Variants in XPO5 observed in about 807,000 individuals in gnomAD.
The protein encoded by XPO5 is exportin-5.
In XPO5, 46 loss-of-function variants were observed where a neutral mutation model predicts 160.6. That is an observed-to-expected ratio of 0.29 (90% CI 0.23 to 0.37). The LOEUF (loss-of-function observed/expected upper bound fraction) is 0.37. Ranked by LOEUF, XPO5 falls within the 10% of genes least tolerant of loss-of-function variation. The probability of loss-of-function intolerance (pLI) is 1.00; values close to 1 mark genes in which losing one functional copy is unlikely to be tolerated. For synonymous variants in XPO5, 537 were observed against 519.3 expected (o/e 1.03, Z -0.46); for missense variants, 1,090 against 1,463.9 (o/e 0.74, Z 4.17).
intron 15 of XPO5, among the ~76,000 whole-genome samples, chr6:43,550,294 A>G (rs1023966653): frequency 2.0e-5 from 3 of 152,142 alleles, no homozygotes; most frequent in African/African-American, 7.2e-5. Context: ...CCTCATTCCA[A>G]TGAAATATGG....
intron 12 of XPO5, 106 bp downstream of exon 12, chr6:43,558,395 G>C: frequency 2.0e-6 from 2 of 987,158 alleles, no homozygotes. Context: ...CTGCTATCCA[G>C]ATTTGGGGAT....
intron 11 of XPO5, among the ~76,000 whole-genome samples, 156 bp from the exon 12 acceptor site, chr6:43,558,747 CCA>C (rs1026250719): frequency 2.0e-5 from 3 of 152,262 alleles, no homozygotes; most frequent in African/African-American, 7.2e-5. Flanking sequence ...TATCACAGGT[CCA>C]CAGTTTGCTC....
At chr6:43,558,624 GAA>G in intron 11 of XPO5, 33 bp from the exon 12 acceptor site, 1 of 1,499,390 alleles carries the variant, frequency 6.7e-7, no homozygotes, top group Non-Finnish European at 9.0e-7. Context: ...GGTAGGGGAT[GAA>G]AGTGGACCCA....
At position 43,570,490 on chromosome 6, in the gene XPO5, G is replaced by T. The variant is rs776053215; in HGVS notation, c.621+12C>A. On this transcript the variant is annotated intron_variant, in intron 5 of 31. Transcript: ENST00000265351. ...GGAAAATAGAAATGTTATAGGTAGG[G>T]GTATCCCTTACCACTTGCTGATACT... 35 of 1,610,832 alleles carry T rather than the reference G, an allele frequency of 2.2e-5. No homozygotes were observed. The East Asian group carries it at 7.6e-4, about 35-fold the overall frequency.
At chr6:43,550,481 G>C (rs1795175561) in intron 15 of XPO5, among the ~76,000 whole-genome samples, 1 of 152,084 alleles carries the variant, frequency 6.6e-6, no homozygotes, top group Admixed American at 6.6e-5. Flanking sequence ...TTCTGTGGGG[G>C]CTTCTCATTT....
At chr6:43,558,394 A>G (rs1762224787) in intron 12 of XPO5, 107 bp downstream of exon 12, 2 of 966,606 alleles carry the variant, frequency 2.1e-6, no homozygotes, top group Non-Finnish European at 1.5e-6. Context: ...GCTGCTATCC[A>G]GATTTGGGGA....
chr6:43,563,260 G>C (rs1762503828), intron 8 of XPO5, among the ~76,000 whole-genome samples: 1 of 151,968 alleles, frequency 6.6e-6, no homozygotes, highest in Admixed American at 6.6e-5. Flanking sequence ...CAAGTAGCTG[G>C]GACTATAAAG....
At chr6:43,564,182 A>G (rs1762567497) in intron 8 of XPO5, among the ~76,000 whole-genome samples, 1 of 152,006 alleles carries the variant, frequency 6.6e-6, no homozygotes, top group East Asian at 1.9e-4. Flanking sequence ...TTGGCCTCCT[A>G]AAGTGCTGTG....
At position 43,528,872 on chromosome 6, in the gene XPO5, G is replaced by A. The variant is rs755903379; in HGVS notation, c.2731C>T (p.Leu911=). ...AGAGGTCCGAGGATGGGGGATACCA[G>A]GGCTTCATAGTGCTCTGGGGGACAG... ...LFCPPEHYEA[L]VSPILGPLFT... is the part of the protein sequence containing the mutation. Residue 911 remains leucine, a synonymous_variant, in exon 24 of 32, where the codon CTG becomes TTG. Transcript: ENST00000265351. The A allele has an allele frequency of 1.9e-6, 3 of 1,613,950 alleles. No individual in the cohort carries two copies. Among genetic ancestry groups the A allele is most frequent in the South Asian group, 2.2e-5 (2 of 91,068 alleles).
At position 43,522,702 on chromosome 6, in the gene XPO5, CG is replaced by C; in HGVS notation, c.*1165del. 2.0e-6 allele frequency: 1 copy of C among 498,702 alleles called. No individual in the cohort carries two copies. 30.9% of individuals were successfully genotyped at this position (498,702 alleles called of 1,614,324 possible). On this transcript the variant is annotated 3_prime_UTR_variant, in exon 32 of 32. Transcript: ENST00000265351. ...TGTAGCTTCAGTCCACTTCGGCTCTCGGGGAAACCCTCTTGTCAGTGGACTG... is the reference window on the plus strand; with the variant it reads ...TGTAGCTTCAGTCCACTTCGGCTCTCGGGAAACCCTCTTGTCAGTGGACTG...
At position 43,576,015 on chromosome 6, in the gene XPO5, T is replaced by C. The variant is rs55981198; in HGVS notation, c.-151A>G. 1.6e-4 allele frequency: 101 copies of C among 649,746 alleles called. No individual in the cohort carries two copies. The African/African-American group carries it at 1.8e-3, about 12-fold the overall frequency. 40.2% of individuals were successfully genotyped at this position (649,746 alleles called of 1,614,324 possible). A position where few individuals can be genotyped will look rare whatever the true frequency, so the allele number is the denominator to read the frequency against. On this transcript the variant is annotated 5_prime_UTR_variant, in exon 1 of 32. Coordinates refer to ENST00000265351, the MANE Select transcript of XPO5 (RefSeq NM_020750.3). ...GAGGAGCGTTAGCAGCAACTCGCGC[T>C]GGGAAGAAGCCGGCGCTGCGCACGC...
chr6:43,561,932 T>A (rs1315909227), intron 9 of XPO5: 1 of 199,438 alleles, frequency 5.0e-6, no homozygotes, highest in Non-Finnish European at 1.0e-5. Context: ...GCTAACAGAA[T>A]GTAAAAGCAT....
At chr6:43,549,777 T>C in intron 16 of XPO5, 116 bp downstream of exon 16, 1 of 1,246,802 alleles carries the variant, frequency 8.0e-7, no homozygotes, top group Non-Finnish European at 1.1e-6. Flanking sequence ...ACATATATGA[T>C]AATCTACCAC....
chr6:43,572,994 C>T (rs543824350), intron 2 of XPO5, among the ~76,000 whole-genome samples: 19 of 152,180 alleles, frequency 1.2e-4, no homozygotes, highest in Non-Finnish European at 1.5e-4. Context: ...GTCTTAAAGG[C>T]TACCTCTTCT....
chr6:43,538,796 C>G, intron 20 of XPO5: 1 of 783,712 alleles, frequency 1.3e-6, no homozygotes, highest in South Asian at 2.4e-5. Flanking sequence ...ACGCTTAATT[C>G]ACTTTATTTT....
intron 24 of XPO5, 90 bp downstream of exon 24, chr6:43,528,738 C>A (rs759724558): frequency 7.9e-7 from 1 of 1,265,400 alleles, no homozygotes; most frequent in South Asian, 1.3e-5. Flanking sequence ...TAGTAGACAA[C>A]ACTTCTAGGA....
chr6:43,552,182 T>A (rs1256479180), intron 14 of XPO5, among the ~76,000 whole-genome samples: 1 of 151,372 alleles, frequency 6.6e-6, no homozygotes, highest in Non-Finnish European at 1.5e-5. Context: ...CTCAGCCTCC[T>A]GAGTAGCTGG....
At position 43,549,565 on chromosome 6, in the gene XPO5, C is replaced by T. The variant is rs368843561; in HGVS notation, c.1784G>A (p.Arg595Gln). The T allele has an allele frequency of 4.3e-6, 7 of 1,613,158 alleles. No individual in the cohort carries two copies. The highest frequency in any genetic ancestry group is 2.2e-5 in the East Asian group (1 of 44,832). Residue 595 changes from arginine (R) to glutamine (Q), a missense_variant, in exon 17 of 32, where the codon CGG becomes CAG. Physicochemically the swap from Arg to Gln is conservative, Grantham distance 43. Around this residue, in one of 3 missense-constraint regions of XPO5, gnomAD observed 810 missense variants for 1,139.0 expected, o/e 0.71. Transcript: ENST00000265351. Reference sequence around the variant, plus strand: ...ATGCCTCCTCACATTCCTCACTGCCCGGGTTCTGGGGGCCTGAAAAGAGAC... The same window carrying T: ...ATGCCTCCTCACATTCCTCACTGCCTGGGTTCTGGGGGCCTGAAAAGAGAC... Reference protein sequence around the residue: ...TVEESKAPRTRAVRNVRRHAC... With the variant: ...TVEESKAPRTQAVRNVRRHAC...
Position 43,537,886 on chromosome 6 carries a change from G to A in XPO5, c.2343-3879C>T, listed in dbSNP as rs774842131. On this transcript the variant is annotated intron_variant, in intron 20 of 31. Coordinates refer to ENST00000265351, the MANE Select transcript of XPO5 (RefSeq NM_020750.3). The stretch of plus-strand genomic sequence containing the variant: ...GTTTGAGACCAGCCTGGGTAACATG[G>A]CAAAACCCTGTATCTACTAAAAATA... Among the ~76,000 whole-genome samples the A allele has an allele frequency of 7.9e-5, 12 of 151,820 alleles. No homozygotes were observed. In the South Asian group the frequency reaches 1.0e-3, roughly 13 times the overall value.
Sources: allele counts gnomAD v4.1 joint callset (sites outside exome capture counted in the v4.1 genomes callset), GRCh38; gene constraint gnomAD v4.1.1; regional missense constraint gnomAD v4.1.1; transcripts MANE v1.5; gene names NCBI Gene and HGNC (gene_info 2026-07-23, HGNC 2026-07-21).